The following USP9X variants were observed in gnomAD, a reference collection of about 807,000 sequenced individuals.
USP9X encodes the protein ubiquitin specific peptidase 9 X-linked.
A neutral mutation model predicts 190.3 loss-of-function variants in USP9X; 7 were observed. The observed-to-expected ratio is 0.04, with a 90% CI of 0.02 to 0.07. USP9X has a LOEUF of 0.07. Among genes scored for constraint, USP9X ranks in the 10% least tolerant of loss-of-function variants. USP9X has a pLI of 1.00. For missense variants in USP9X, 1,010 were observed against 1,916.9 expected, an observed-to-expected ratio of 0.53 and a Z score of 8.83; for synonymous variants, 645 against 659.5, an observed-to-expected ratio of 0.98 and a Z score of 0.34.
Position 41,171,825 on chromosome X carries a change from T to C in USP9X, c.3028-13T>C. ...AATTTAGAGGTAATTATTTTGTGTA[T>C]TTTATATTCTAGATAATGTCACTGC... On this transcript the variant is annotated splice_polypyrimidine_tract_variant and intron_variant, in intron 20 of 44. Transcript: ENST00000378308. 8.3e-7 allele frequency: 1 copy of C among 1,204,717 alleles called. No individual in the cohort carries two copies. The highest frequency in any genetic ancestry group is 1.1e-6 in the Non-Finnish European group (1 of 891,670).
Position 41,168,086 on chromosome X carries a change from G to A in USP9X, c.2504G>A (p.Gly835Asp). The stretch of plus-strand genomic sequence containing the variant: ...TATGACACATTGTGTGTTTTGGATG[G>A]TGACAAAGACAGTGTTAATTGTGCA... ...ASYDTLCVLD[G>D]DKDSVNCARQ... The change falls in exon 18 of 45, where the codon GGT (glycine) becomes GAT (aspartate). Residue 835 changes from glycine (G) to aspartate (D), a missense_variant. Transcript: ENST00000378308. 3.3e-6 allele frequency: 4 copies of A among 1,211,390 alleles called. No homozygotes were observed. The highest frequency in any genetic ancestry group is 4.5e-6 in the Non-Finnish European group (4 of 895,255).
Position 41,153,032 on chromosome X carries a change from A to G in USP9X, c.1848A>G (p.Val616=). 2 of 1,211,006 alleles carry G rather than the reference A, an allele frequency of 1.7e-6. No homozygotes were observed. Among genetic ancestry groups the G allele is most frequent in the Non-Finnish European group, 2.2e-6 (2 of 895,024 alleles). Residue 616 remains valine, a synonymous_variant, in exon 14 of 45, where the codon GTA becomes GTG. Coordinates refer to ENST00000378308, the MANE Select transcript of USP9X (RefSeq NM_001039591.3). The stretch of plus-strand genomic sequence containing the variant: ...ACAATCATGCCCTAGTTACTTTGGT[A>G]GCAGAAAACCTTGCAACTTACATGG... The part of the protein sequence containing the change: ...LQHNHALVTL[V]AENLATYMES...
At chrX:41,122,442 CAT>C (rs1325159462) in intron 1 of USP9X, among the ~76,000 whole-genome samples, 99 of 112,317 alleles carry the variant, frequency 8.8e-4, no homozygotes, top group African/African-American at 3.1e-3. Flanking sequence ...TCTAAGTACA[CAT>C]GTTACTGAAA....
chrX:41,229,121 A>G (rs748178525), intron 41 of USP9X, 132 bp from the exon 42 acceptor site: 18 of 440,879 alleles, frequency 4.1e-5, no homozygotes, highest in Middle Eastern at 1.4e-3. Flanking sequence ...ATAAAGGTTT[A>G]ATAATAGTAC....
At chrX:41,109,312 C>T (rs1289293347) in intron 1 of USP9X, among the ~76,000 whole-genome samples, 2 of 111,755 alleles carry the variant, frequency 1.8e-5, no homozygotes, top group Non-Finnish European at 3.8e-5. Context: ...TAAAATTACT[C>T]AAATTGCCTA....
At chrX:41,206,463 T>C (rs2063097382) in intron 32 of USP9X, among the ~76,000 whole-genome samples, 1 of 112,093 alleles carries the variant, frequency 8.9e-6, no homozygotes. Flanking sequence ...TGTTTCTTTT[T>C]TCCCTTTACA....
At chrX:41,175,695 G>A (rs2062768269) in intron 21 of USP9X, among the ~76,000 whole-genome samples, 2 of 110,469 alleles carry the variant, frequency 1.8e-5, no homozygotes, top group South Asian at 7.7e-4. Flanking sequence ...ATGTATTGTT[G>A]CTCCCTGGCT....
chrX:41,231,767 G>GGCTTGGCTGATGGA (rs1328332267), intron 44 of USP9X, among the ~76,000 whole-genome samples: 8 of 108,937 alleles, frequency 7.3e-5, no homozygotes, highest in Non-Finnish European at 1.5e-4. Flanking sequence ...CTAAAATCTT[G>GGCTTGGCTGATGGA]GCTTGGCTGA....
chrX:41,216,056 C>G lies in USP9X; in HGVS notation c.5489C>G (p.Ala1830Gly). 1 of 1,211,473 alleles carries G rather than the reference C, an allele frequency of 8.3e-7. No homozygotes were observed. The highest frequency in any genetic ancestry group is 2.2e-5 in the Admixed American group (1 of 45,961). ...CTGGACATGGAACCTTACACAGTTG[C>G]AGGTGTCGCAAAGCTGGAAGGGGAT... ...RELDMEPYTV[A>G]GVAKLEGDNV... Residue 1830 changes from alanine to glycine, a missense_variant, in exon 35 of 45, where the codon GCA (alanine) becomes GGA (glycine). Transcript: ENST00000378308.
intron 26 of USP9X, among the ~76,000 whole-genome samples, chrX:41,193,817 C>T: frequency 9.0e-6 from 1 of 111,399 alleles, no homozygotes; most frequent in Non-Finnish European, 1.9e-5. Flanking sequence ...AGAGGGAAAC[C>T]CTGTCTAAAG....
intron 12 of USP9X, among the ~76,000 whole-genome samples, chrX:41,148,939 A>C (rs1241709162): frequency 8.9e-6 from 1 of 112,361 alleles, no homozygotes; most frequent in East Asian, 2.8e-4. Context: ...AAGAAAAATT[A>C]ATAGAATTTC....
intron 14 of USP9X, among the ~76,000 whole-genome samples, chrX:41,159,410 C>T (rs2062607797): frequency 8.9e-6 from 1 of 112,115 alleles, no homozygotes; most frequent in Non-Finnish European, 1.9e-5. Context: ...TACCCATTCC[C>T]AGTTACATAC....
intron 23 of USP9X, 61 bp downstream of exon 23, chrX:41,184,736 T>A: frequency 1.0e-6 from 1 of 974,602 alleles, no homozygotes; most frequent in Non-Finnish European, 1.4e-6. Context: ...AAAGTAAAAC[T>A]AATTAGTATT....
chrX:41,153,097 T>C lies in USP9X; in HGVS notation c.1897+16T>C, dbSNP rs755645078. The C allele has an allele frequency of 8.5e-7, 1 of 1,180,543 alleles. No homozygotes were observed. The highest frequency in any genetic ancestry group is 1.8e-5 in the African/African-American group (1 of 56,594). On this transcript the variant is annotated intron_variant, in intron 14 of 44. Coordinates refer to ENST00000378308, the MANE Select transcript of USP9X (RefSeq NM_001039591.3). ...TATGCTAGAGGTATGTATTGTAAGC[T>C]AAAATAAACTATGGGAAATAGCAGG...
At chrX:41,102,010 A>G (rs1476993826) in intron 1 of USP9X, among the ~76,000 whole-genome samples, 1 of 111,354 alleles carries the variant, frequency 9.0e-6, no homozygotes, top group Non-Finnish European at 1.9e-5. Flanking sequence ...GGAGAATGCT[A>G]TTAATGGTAT....
At chrX:41,208,691 TTTTG>T (rs761047633) in intron 32 of USP9X, among the ~76,000 whole-genome samples, 37 of 110,833 alleles carry the variant, frequency 3.3e-4, no homozygotes, top group East Asian at 1.1e-3. Flanking sequence ...TTTTTTTAAG[TTTTG>T]TTTGTTTGTT....
chrX:41,162,714 A>G (rs1280375871), intron 14 of USP9X, 76 bp from the exon 15 acceptor site: 8 of 815,537 alleles, frequency 9.8e-6, no homozygotes, highest in Admixed American at 3.4e-5. Context: ...TAACTGGCCT[A>G]ATTTCTTTGG....
intron 26 of USP9X, chrX:41,195,811 G>A: frequency 3.6e-6 from 1 of 281,653 alleles, no homozygotes; most frequent in South Asian, 3.4e-5. Flanking sequence ...GGGGTTTGGG[G>A]ACCCCTGGTG....
chrX:41,188,131 C>T lies in USP9X; in HGVS notation c.3810+14C>T. The T allele has an allele frequency of 8.4e-7, 1 of 1,195,688 alleles. No individual in the cohort carries two copies. Among genetic ancestry groups the T allele is most frequent in the Non-Finnish European group, 1.1e-6 (1 of 883,675 alleles). On this transcript the variant is annotated intron_variant, in intron 25 of 44. Transcript: ENST00000378308. Reference sequence around the variant, plus strand: ...ATTTATGAGAAGGTAAGAATTATCACAGAACTATATTCCTTGTAAACAAAT... The same window carrying T: ...ATTTATGAGAAGGTAAGAATTATCATAGAACTATATTCCTTGTAAACAAAT...
Sources: allele counts gnomAD v4.1 joint callset (sites outside exome capture counted in the v4.1 genomes callset), GRCh38; gene constraint gnomAD v4.1.1; transcripts MANE v1.5; gene names NCBI Gene and HGNC (gene_info 2026-07-23, HGNC 2026-07-21).